The following CACTIN variants were observed in gnomAD, a reference collection of about 807,000 sequenced individuals.
CACTIN encodes the protein splicing factor Cactin.
Under a neutral mutation model 84.9 loss-of-function variants are expected in CACTIN, and 20 were observed. The ratio of observed to expected loss-of-function variants is 0.24; its 90% CI spans 0.17 to 0.34. CACTIN has a LOEUF of 0.34. Ranked by LOEUF, CACTIN falls within the 10% of genes least tolerant of loss-of-function variation. The pLI, the probability that CACTIN is intolerant of heterozygous loss-of-function variation, is 1.00. For missense variants in CACTIN, 897 were observed against 1,117.2 expected (o/e 0.80, Z 2.81); for synonymous variants, 549 against 467.9 (o/e 1.17, Z -2.24).
intron 4 of CACTIN, among the ~76,000 whole-genome samples, chr19:3,619,466 G>A (rs537812209): frequency 3.9e-5 from 6 of 152,340 alleles, no homozygotes; most frequent in South Asian, 4.1e-4. Flanking sequence ...TGCAAGCAGC[G>A]TGGACCCGGA....
At chr19:3,625,610 AACCCCAGCT>A (rs1356879963) in intron 1 of CACTIN, among the ~76,000 whole-genome samples, 6 of 152,246 alleles carry the variant, frequency 3.9e-5, no homozygotes, top group Admixed American at 3.9e-4. Context: ...AAGCACCTGT[AACCCCAGCT>A]ACCGGGGAGG....
intron 6 of CACTIN, among the ~76,000 whole-genome samples, chr19:3,618,363 G>C (rs891629679): frequency 6.6e-6 from 1 of 152,116 alleles, no homozygotes; most frequent in African/African-American, 2.4e-5. Flanking sequence ...CCGCATGTCC[G>C]CAGTGCTCAG....
chr19:3,620,312 G>T (rs997045983), intron 3 of CACTIN, 40 bp from the exon 4 acceptor site: 6 of 1,539,296 alleles, frequency 3.9e-6, no homozygotes, highest in African/African-American at 2.7e-5. Context: ...GGACCGTGCG[G>T]TCTGCAGGGC....
intron 9 of CACTIN, 145 bp from the exon 10 acceptor site, chr19:3,612,558 AG>A: frequency 8.1e-7 from 1 of 1,241,592 alleles, no homozygotes; most frequent in Non-Finnish European, 1.1e-6. Context: ...GGGAGGGGAC[AG>A]GGCCTGGGCG....
rs746055523 is a variant in CACTIN, at chr19:3,613,188, G to A, written c.1656C>T (p.Asp552=). 5.6e-6 allele frequency: 9 copies of A among 1,611,452 alleles called. No homozygotes were observed. In the South Asian group the frequency reaches 7.7e-5, roughly 14 times the overall value. Reference sequence around the variant, plus strand: ...GGCTGTACCTGCCGGCGTCGTAGTCGTCCAGGCTCTGCTGGATCAGGTCCT... The same window carrying A: ...GGCTGTACCTGCCGGCGTCGTAGTCATCCAGGCTCTGCTGGATCAGGTCCT... ...MEEDLIQQSL[D]DYDAGRYSPR... The change falls in exon 9 of 10, where the codon GAC becomes GAT. Residue 552 remains aspartate, a synonymous_variant. Coordinates refer to ENST00000429344, the MANE Select transcript of CACTIN (RefSeq NM_001080543.2).
At position 3,611,773 on chromosome 19, in the gene CACTIN, CTG is replaced by C. The variant is rs2032957395; in HGVS notation, c.*148_*149del. The stretch of plus-strand genomic sequence containing the variant: ...GACCCCCCTTTTATATAGGAGGAAA[CTG>C]AGGCCTGGCGAAAGAAAGATGCGGC... On this transcript the variant is annotated 3_prime_UTR_variant, in exon 10 of 10. Transcript: ENST00000429344. The C allele has an allele frequency of 4.9e-6, 5 of 1,019,172 alleles. No homozygotes were observed. Among genetic ancestry groups the C allele is most frequent in the South Asian group, 4.1e-5 (3 of 72,938 alleles). 63.1% of individuals were successfully genotyped at this position (1,019,172 alleles called of 1,614,324 possible). A position where few individuals can be genotyped will look rare whatever the true frequency, so the allele number is the denominator to read the frequency against.
intron 7 of CACTIN, chr19:3,613,904 T>G: frequency 2.1e-6 from 1 of 470,356 alleles, no homozygotes; most frequent in Non-Finnish European, 3.8e-6. Flanking sequence ...CCAACAAGCA[T>G]GATAAATTTA....
intron 7 of CACTIN, among the ~76,000 whole-genome samples, chr19:3,614,110 C>T (rs943131636): frequency 6.6e-6 from 1 of 152,160 alleles, no homozygotes; most frequent in Admixed American, 6.5e-5. Flanking sequence ...GCCAGGTACT[C>T]GTTAAAGGGC....
intron 8 of CACTIN, 44 bp from the exon 9 acceptor site, chr19:3,613,409 C>A (rs2033021419): frequency 6.5e-7 from 1 of 1,541,128 alleles, no homozygotes; most frequent in African/African-American, 1.4e-5. Context: ...GCCCACGGCC[C>A]CTCCATCCTG....
intron 1 of CACTIN, 24 bp downstream of exon 1, chr19:3,626,572 G>A: frequency 7.1e-7 from 1 of 1,409,538 alleles, no homozygotes. Context: ...CGGATCCCCA[G>A]CGCTGCTCCC....
chr19:3,613,924 A>G (rs2033042397), intron 7 of CACTIN: 2 of 436,918 alleles, frequency 4.6e-6, no homozygotes, highest in Non-Finnish European at 8.3e-6. Flanking sequence ...AGAGACATTT[A>G]CAAATTAGCA....
At chr19:3,626,268 C>G (rs2145340778) in intron 1 of CACTIN, among the ~76,000 whole-genome samples, 1 of 152,334 alleles carries the variant, frequency 6.6e-6, no homozygotes, top group Middle Eastern at 3.4e-3. Flanking sequence ...TCTCAAGACT[C>G]TCCATTTCCC....
intron 2 of CACTIN, among the ~76,000 whole-genome samples, chr19:3,623,247 T>TGATA (rs1234311485): frequency 6.8e-6 from 1 of 147,334 alleles, no homozygotes; most frequent in Non-Finnish European, 1.5e-5. Flanking sequence ...AAAAGAAAGC[T>TGATA]GGCCGGGCGT....
Position 3,613,203 on chromosome 19 carries a change from G to C in CACTIN, c.1641C>G (p.Ile547Met), listed in dbSNP as rs927049693. ...GEAVLMEEDL[I>M]QQSLDDYDAG... ...CGTCGTAGTCGTCCAGGCTCTGCTGGATCAGGTCCTCCTCCATGAGCACCG... is the reference window on the plus strand; with the variant it reads ...CGTCGTAGTCGTCCAGGCTCTGCTGCATCAGGTCCTCCTCCATGAGCACCG... Residue 547 changes from isoleucine (I) to methionine (M), a missense_variant, in exon 9 of 10, where the codon ATC becomes ATG. Coordinates refer to ENST00000429344, the MANE Select transcript of CACTIN (RefSeq NM_001080543.2). 1 of 1,611,510 alleles carries C rather than the reference G, an allele frequency of 6.2e-7. No individual in the cohort carries two copies. Among genetic ancestry groups the C allele is most frequent in the Non-Finnish European group, 8.5e-7 (1 of 1,179,342 alleles).
In CACTIN at chr19:3,626,725, C is replaced by T; in HGVS notation, c.38G>A (p.Gly13Asp). Residue 13 changes from glycine (G) to aspartate (D), a missense_variant, in exon 1 of 10, where the codon GGT becomes GAT. Coordinates refer to ENST00000429344, the MANE Select transcript of CACTIN (RefSeq NM_001080543.2). ...ACTCTGCCGCCTTCGGCCCCGGCGA[C>T]CCGCGGACCGCGAGCGCGAGCGTGT... is the stretch of plus-strand genomic sequence containing the variant. ...RDTRSRSRSAGRRGRRRQSQS... is the reference protein window; with the variant it reads ...RDTRSRSRSADRRGRRRQSQS... 1 of 1,494,846 alleles carries T rather than the reference C, an allele frequency of 6.7e-7. No individual in the cohort carries two copies. Among genetic ancestry groups the T allele is most frequent in the Non-Finnish European group, 8.9e-7 (1 of 1,128,652 alleles). 92.6% of individuals were successfully genotyped at this position (1,494,846 alleles called of 1,614,324 possible).
chr19:3,618,573 C>A (rs896487897), intron 6 of CACTIN, among the ~76,000 whole-genome samples: 18 of 152,268 alleles, frequency 1.2e-4, no homozygotes, highest in South Asian at 2.1e-4. Flanking sequence ...ACTGAGAGCA[C>A]TGAAACCTGA....
intron 4 of CACTIN, among the ~76,000 whole-genome samples, chr19:3,619,645 G>A (rs138387745): frequency 3.3e-5 from 5 of 152,300 alleles, no homozygotes; most frequent in South Asian, 4.1e-4. Flanking sequence ...CAGACCACTC[G>A]GGGCAGAGAG....
rs747058525 is a variant in CACTIN at position 3,619,110 on chromosome 19, G to A, written c.1017C>T (p.Ala339=). ...PYTFLNGLTV[A]DMEDLLEDIQ... is the part of the protein sequence containing the mutation. ...TATCCTCCAGCAGGTCCTCCATGTC[G>A]GCCACGGTGAGGCCGTTGAGGAACG... Residue 339 remains alanine (A), a synonymous_variant, in exon 5 of 10, where the codon GCC becomes GCT. Coordinates refer to ENST00000429344, the MANE Select transcript of CACTIN (RefSeq NM_001080543.2). 27 of 1,579,398 alleles carry A rather than the reference G, an allele frequency of 1.7e-5. No individual in the cohort carries two copies. The Middle Eastern group carries it at 8.3e-4, about 48-fold the overall frequency.
chr19:3,620,475 C>T, intron 3 of CACTIN: 1 of 721,314 alleles, frequency 1.4e-6, no homozygotes, highest in African/African-American at 1.7e-5. Flanking sequence ...TCAGCTGGGG[C>T]CCTCTCGGCC....
Sources: allele counts gnomAD v4.1 joint callset (sites outside exome capture counted in the v4.1 genomes callset), GRCh38; gene constraint gnomAD v4.1.1; transcripts MANE v1.5; gene names NCBI Gene and HGNC (gene_info 2026-07-23, HGNC 2026-07-21).